Variants in ADAMTS20 observed in about 807,000 individuals in gnomAD.
ADAMTS20 encodes the protein ADAM metallopeptidase with thrombospondin type 1 motif 20.
ADAMTS20 carries 225 observed loss-of-function variants against 260.1 expected under a neutral mutation model. The observed-to-expected ratio is 0.87, with a 90% CI of 0.78 to 0.97. The LOEUF (loss-of-function observed/expected upper bound fraction) is 0.97. Among genes scored for constraint, ADAMTS20 ranks in the 50% least tolerant of loss-of-function variants. ADAMTS20 has a pLI of 0.00. For synonymous variants in ADAMTS20, 802 were observed against 769.5 expected, an observed-to-expected ratio of 1.04 and a Z score of -0.70; for missense variants, 2,400 against 2,337.7, an observed-to-expected ratio of 1.03 and a Z score of -0.55.
intron 36 of ADAMTS20, among the ~76,000 whole-genome samples, chr12:43,374,908 C>T (rs755764190): frequency 2.0e-5 from 3 of 152,126 alleles, no homozygotes; most frequent in Non-Finnish European, 2.9e-5. Flanking sequence ...TGGTGGCTCA[C>T]GCCTGTAATC....
Position 43,394,934 on chromosome 12 carries a change from A to T in ADAMTS20, c.4452+4132T>A, listed in dbSNP as rs76220876. ...TAAAAACTCTTAATATAGTATCAGG[A>T]AGTGACTGTCCCTTGCTGCTCCCTT... On this transcript the variant is annotated intron_variant, in intron 29 of 38. Coordinates refer to ENST00000389420, the MANE Select transcript of ADAMTS20 (RefSeq NM_025003.5). Among the ~76,000 whole-genome samples the T allele has an allele frequency of 2.9e-3, 443 of 152,244 alleles. 4 individuals carry two copies. The highest frequency in any genetic ancestry group is 0.01 in the African/African-American group (419 of 41,552).
At chr12:43,514,822 G>A (rs1440995015) in intron 3 of ADAMTS20, among the ~76,000 whole-genome samples, 1 of 152,126 alleles carries the variant, frequency 6.6e-6, no homozygotes, top group Admixed American at 6.6e-5. Context: ...TAAATGAAAT[G>A]TATCATTTTG....
chr12:43,504,829 A>T (rs1261653399), intron 3 of ADAMTS20, among the ~76,000 whole-genome samples: 1 of 152,210 alleles, frequency 6.6e-6, no homozygotes, highest in Non-Finnish European at 1.5e-5. Context: ...GACAAAAAAA[A>T]ATATGATTCT....
chr12:43,390,009 G>C (rs1940564691), intron 29 of ADAMTS20, among the ~76,000 whole-genome samples: 1 of 152,194 alleles, frequency 6.6e-6, no homozygotes, highest in Non-Finnish European at 1.5e-5. Context: ...AACTCTGGAG[G>C]GATGGCCATC....
chr12:43,427,393 T>C lies in ADAMTS20; in HGVS notation c.4022A>G (p.Tyr1341Cys), dbSNP rs1462449307. 6.2e-7 allele frequency: 1 copy of C among 1,613,956 alleles called. No homozygotes were observed. The highest frequency in any genetic ancestry group is 1.1e-5 in the South Asian group (1 of 91,082). The part of the protein sequence containing the change: ...CQDENGQSAS[Y>C]CDAASKPPEL... ...TGGAGGCTTGGAGGCTGCATCGCAG[T>C]AACTAGCACTTTGTCCATTTTCATC... Residue 1341 changes from tyrosine to cysteine, a missense_variant, in exon 27 of 39, where the codon TAC (tyrosine) becomes TGC (cysteine). Coordinates refer to ENST00000389420, the MANE Select transcript of ADAMTS20 (RefSeq NM_025003.5).
intron 36 of ADAMTS20, among the ~76,000 whole-genome samples, chr12:43,374,233 T>C (rs781430854): frequency 6.6e-6 from 1 of 151,980 alleles, no homozygotes; most frequent in Non-Finnish European, 1.5e-5. Context: ...ATGATAGCCA[T>C]CATTATTAAT....
At chr12:43,513,018 C>T (rs1298622006) in intron 3 of ADAMTS20, among the ~76,000 whole-genome samples, 1 of 152,108 alleles carries the variant, frequency 6.6e-6, no homozygotes, top group Non-Finnish European at 1.5e-5. Flanking sequence ...TACAGAGGTC[C>T]TCCTTGCATT....
chr12:43,399,076 C>T lies in ADAMTS20; in HGVS notation c.4442G>A (p.Ser1481Asn). 1 of 1,518,278 alleles carries T rather than the reference C, an allele frequency of 6.6e-7. No individual in the cohort carries two copies. The highest frequency in any genetic ancestry group is 8.8e-7 in the Non-Finnish European group (1 of 1,132,004). The allele number at this position is 1,518,278 out of a possible 1,614,324, so 94.1% of individuals were successfully genotyped here. A position where few individuals can be genotyped will look rare whatever the true frequency, so the allele number is the denominator to read the frequency against. Reference sequence around the variant, plus strand: ...ATATACATCATATACCTCATTCCAGCTATTGGCTTTCCATGAAGGGCATCT... The same window carrying T: ...ATATACATCATATACCTCATTCCAGTTATTGGCTTTCCATGAAGGGCATCT... The part of the protein sequence containing the change: ...SVRCPSWKAN[S>N]WNECSVTCGS... The change falls in exon 29 of 39, where the codon AGC becomes AAC. Residue 1481 changes from serine (S) to asparagine (N), a missense_variant. Transcript: ENST00000389420.
At chr12:43,501,482 C>T (rs1942764004) in intron 4 of ADAMTS20, among the ~76,000 whole-genome samples, 1 of 38,820 alleles carries the variant, frequency 2.6e-5, no homozygotes, top group African/African-American at 8.0e-5. Flanking sequence ...CGCGCGCGCG[C>T]ACACACACAC....
Position 43,551,161 on chromosome 12 carries a change from G to A in ADAMTS20, c.201C>T (p.Ser67=). Residue 67 remains serine, a synonymous_variant, in exon 2 of 39, where the codon AGC becomes AGT. Transcript: ENST00000389420. The surrounding 1 kb of genome is among the most constrained non-coding windows in gnomAD (Gnocchi z 4.6). ...ACGGCATGGGTTCCAGCGCCTCGGA[G>A]CTGCGTTTCTGCCGGCTGAAGTGGT... ...QSHHFSRQKR[S]SEALEPMPFR... is the part of the protein sequence containing the mutation. 11 of 1,613,972 alleles carry A rather than the reference G, an allele frequency of 6.8e-6. No individual in the cohort carries two copies. The highest frequency in any genetic ancestry group is 9.3e-6 in the Non-Finnish European group (11 of 1,179,868).
chr12:43,391,443 C>A (rs146748772), intron 29 of ADAMTS20, among the ~76,000 whole-genome samples: 146 of 152,270 alleles, frequency 9.6e-4, no homozygotes, highest in Middle Eastern at 3.4e-3. Context: ...GAGGACTTGG[C>A]AATCTTTCAA....
chr12:43,433,158 T>C (rs1941482279), intron 19 of ADAMTS20, among the ~76,000 whole-genome samples: 1 of 152,200 alleles, frequency 6.6e-6, no homozygotes, highest in Non-Finnish European at 1.5e-5. Flanking sequence ...CCTCTATAAG[T>C]ATTTCGATTT....
chr12:43,468,828 T>C (rs1289593892), intron 7 of ADAMTS20, 123 bp from the exon 8 acceptor site: 2 of 560,830 alleles, frequency 3.6e-6, no homozygotes, highest in African/African-American at 1.9e-5. Flanking sequence ...AATTGGCTGT[T>C]AATATTGAAT....
intron 18 of ADAMTS20, among the ~76,000 whole-genome samples, chr12:43,436,352 G>A (rs542170502): frequency 4.6e-5 from 7 of 152,154 alleles, no homozygotes; most frequent in African/African-American, 1.4e-4. Context: ...TAGACCACTA[G>A]CTTCCTAGTT....
intron 3 of ADAMTS20, among the ~76,000 whole-genome samples, chr12:43,508,528 A>G (rs1239375573): frequency 1.3e-5 from 2 of 152,210 alleles, no homozygotes; most frequent in Non-Finnish European, 2.9e-5. Context: ...AAATCTAGCC[A>G]TATGTTAACT....
intron 36 of ADAMTS20, 53 bp downstream of exon 36, chr12:43,375,326 G>T: frequency 2.5e-6 from 4 of 1,574,910 alleles, no homozygotes; most frequent in Non-Finnish European, 3.5e-6. Context: ...ATTGTTTGAC[G>T]TTCATAAGCA....
chr12:43,424,798 T>A (rs2137294319), intron 28 of ADAMTS20, among the ~76,000 whole-genome samples: 1 of 152,016 alleles, frequency 6.6e-6, no homozygotes, highest in Admixed American at 6.6e-5. Context: ...AACAGTAGTA[T>A]GGTTCAAAGT....
intron 28 of ADAMTS20, among the ~76,000 whole-genome samples, chr12:43,401,986 C>G (rs1940819647): frequency 6.6e-6 from 1 of 151,942 alleles, no homozygotes; most frequent in South Asian, 2.1e-4. Context: ...TAATCACTTC[C>G]TCTAATAATT....
At chr12:43,541,868 A>G (rs1328991693) in intron 2 of ADAMTS20, among the ~76,000 whole-genome samples, 1 of 152,214 alleles carries the variant, frequency 6.6e-6, no homozygotes, top group Non-Finnish European at 1.5e-5. Context: ...TAGTATAAAA[A>G]TGAAACAATA....
Sources: allele counts gnomAD v4.1 joint callset (sites outside exome capture counted in the v4.1 genomes callset), GRCh38; gene constraint gnomAD v4.1.1; non-coding constraint Gnocchi (gnomAD v3.1); transcripts MANE v1.5; gene names NCBI Gene and HGNC (gene_info 2026-07-23, HGNC 2026-07-21).